The following ARFGEF2 variants were observed in gnomAD, a reference collection of about 807,000 sequenced individuals.
The protein encoded by ARFGEF2 is brefeldin A-inhibited guanine nucleotide-exchange protein 2.
A neutral mutation model predicts 219.9 loss-of-function variants in ARFGEF2; 74 were observed. The observed-to-expected ratio is 0.34, with a 90% CI of 0.28 to 0.41. ARFGEF2 has a LOEUF of 0.41. ARFGEF2 is among the 10% of genes least tolerant of loss of function. The pLI is 1.00. For missense variants in ARFGEF2, 1,743 were observed against 2,218.3 expected (o/e 0.79, Z 4.30); for synonymous variants, 733 against 799.2 (o/e 0.92, Z 1.40).
intron 28 of ARFGEF2, 40 bp downstream of exon 28, chr20:49,012,124 G>C: frequency 6.2e-7 from 1 of 1,613,688 alleles, no homozygotes; most frequent in Non-Finnish European, 8.5e-7. Context: ...GCAGTGAAGG[G>C]AAAAGGTCAT....
At chr20:49,010,497 C>G in intron 27 of ARFGEF2, 93 bp downstream of exon 27, 1 of 1,443,618 alleles carries the variant, frequency 6.9e-7, no homozygotes, top group South Asian at 1.2e-5. Flanking sequence ...AGGGGCTTCC[C>G]TACCTTGGCT....
intron 21 of ARFGEF2, among the ~76,000 whole-genome samples, chr20:48,991,865 C>G (rs2091359473): frequency 6.6e-6 from 1 of 152,130 alleles, no homozygotes; most frequent in Non-Finnish European, 1.5e-5. Flanking sequence ...ATAGTATGTG[C>G]TCTCTGATGG....
At chr20:48,974,187 G>A (rs375034404) in intron 12 of ARFGEF2, among the ~76,000 whole-genome samples, 12 of 141,400 alleles carry the variant, frequency 8.5e-5, no homozygotes, top group Non-Finnish European at 1.2e-4. Context: ...GTGCAGTGGC[G>A]CGATCTCAGC....
chr20:49,032,972 C>T, intron 38 of ARFGEF2, 51 bp from the exon 39 acceptor site: 1 of 1,460,944 alleles, frequency 6.8e-7, no homozygotes, highest in South Asian at 1.2e-5. Context: ...AAACTGGTGC[C>T]CAAAAAAAAA....
chr20:48,974,411 C>G (rs1333562970), intron 12 of ARFGEF2, among the ~76,000 whole-genome samples: 3 of 152,022 alleles, frequency 2.0e-5, no homozygotes, highest in Non-Finnish European at 4.4e-5. Context: ...AGCGCCTGCC[C>G]AAGATCTTGT....
Position 49,010,179 on chromosome 20 carries a change from C to A in ARFGEF2, c.3585-53C>A. 1.9e-6 allele frequency: 3 copies of A among 1,585,582 alleles called. No homozygotes were observed. In the South Asian group the frequency reaches 3.4e-5, roughly 18 times the overall value. Reference sequence around the variant, plus strand: ...TCTAAGGGATGAGCTATGTTCATTTCTCTTCCCATTCTCCAAAGTACAGAC... The same window carrying A: ...TCTAAGGGATGAGCTATGTTCATTTATCTTCCCATTCTCCAAAGTACAGAC... On this transcript the variant is annotated intron_variant, in intron 26 of 38. Transcript: ENST00000371917.
Position 49,017,674 on chromosome 20 carries a change from G to A in ARFGEF2, c.4509+124G>A, listed in dbSNP as rs372277244. 95 of 902,006 alleles carry A rather than the reference G, an allele frequency of 1.1e-4. 1 individual carries two copies. The highest frequency in any genetic ancestry group is 7.0e-4 in the South Asian group (42 of 60,296). The allele number at this position is 902,006 out of a possible 1,614,324, so 55.9% of individuals were successfully genotyped here. A position where few individuals can be genotyped will look rare whatever the true frequency, so the allele number is the denominator to read the frequency against. On this transcript the variant is annotated intron_variant, in intron 33 of 38. Transcript: ENST00000371917. ...AGTAAAATTATAAGATCTAAAAATA[G>A]TATATATTCATAATATATTTTTTAG...
rs1365027593 is a variant in ARFGEF2, at chr20:49,010,382, C to T, written c.3735C>T (p.Phe1245=). ...ATGGGAACATTGTGGAGCTGGCCTT[C>T]CAGACCACTTGCCACATTGTCAGTA... ...DHDGNIVELA[F]QTTCHIVTTI... Residue 1245 remains phenylalanine (F), a synonymous_variant, in exon 27 of 39, where the codon TTC becomes TTT. Transcript: ENST00000371917. 6.2e-7 allele frequency: 1 copy of T among 1,614,054 alleles called. No homozygotes were observed. The highest frequency in any genetic ancestry group is 2.2e-5 in the East Asian group (1 of 44,886).
chr20:48,961,083 T>TATAATA (rs371551603), intron 6 of ARFGEF2, among the ~76,000 whole-genome samples: 2,657 of 143,994 alleles, frequency 0.018, 47 homozygotes, highest in African/African-American at 0.035. Flanking sequence ...TGTCTCAAAA[T>TATAATA]ATAATAATAA....
intron 25 of ARFGEF2, among the ~76,000 whole-genome samples, chr20:49,000,631 G>A (rs1026745175): frequency 6.6e-6 from 1 of 152,198 alleles, no homozygotes; most frequent in African/African-American, 2.4e-5. Context: ...GAATCATTGC[G>A]ACTACTGTAC....
chr20:48,979,328 C>G (rs2091281396), intron 14 of ARFGEF2, among the ~76,000 whole-genome samples: 1 of 152,164 alleles, frequency 6.6e-6, no homozygotes, highest in Non-Finnish European at 1.5e-5. Flanking sequence ...ATGAAGCTGA[C>G]TTGATCGTGG....
At chr20:48,993,568 G>T (rs781214590) in intron 21 of ARFGEF2, among the ~76,000 whole-genome samples, 1 of 152,226 alleles carries the variant, frequency 6.6e-6, no homozygotes, top group Non-Finnish European at 1.5e-5. Flanking sequence ...CAACACTGAA[G>T]TTCAGTCAGA....
chr20:48,938,097 C>A (rs1016427082), intron 1 of ARFGEF2, among the ~76,000 whole-genome samples: 3 of 152,144 alleles, frequency 2.0e-5, no homozygotes, highest in African/African-American at 7.2e-5. Context: ...GGGTTTAAGT[C>A]CCATCTCCAG....
At position 49,033,037 on chromosome 20, in the gene ARFGEF2, T is replaced by A; in HGVS notation, c.5196T>A (p.Ala1732=). Residue 1732 remains alanine (A), a synonymous_variant, in exon 39 of 39, where the codon GCT becomes GCA. Coordinates refer to ENST00000371917, the MANE Select transcript of ARFGEF2 (RefSeq NM_006420.3). ...KINDEKFKAH[A]SMYYPYLCEI... ...CCCACCTCAAGTTCAAAGCACATGC[T>A]TCAATGTACTACCCCTACTTGTGTG... 6.2e-7 allele frequency: 1 copy of A among 1,614,194 alleles called. No individual in the cohort carries two copies. The highest frequency in any genetic ancestry group is 8.5e-7 in the Non-Finnish European group (1 of 1,180,028).
In ARFGEF2 at chr20:48,989,328, G is replaced by A; in HGVS notation, c.2577G>A (p.Glu859=). Residue 859 remains glutamate, a synonymous_variant, in exon 19 of 39, where the codon GAG becomes GAA. Coordinates refer to ENST00000371917, the MANE Select transcript of ARFGEF2 (RefSeq NM_006420.3). ...AGCGGCGGCTGCTGTACAACTTAGA[G>A]ATGGAGCAAATGGCTAAAACAGCCA... ...EKQRRLLYNL[E]MEQMAKTAKA... is the part of the protein sequence containing the mutation. 1 of 1,614,230 alleles carries A rather than the reference G, an allele frequency of 6.2e-7. No individual in the cohort carries two copies.
In ARFGEF2 at chr20:48,963,853, G is replaced by A. The variant is rs774856463; in HGVS notation, c.862G>A (p.Val288Met). Residue 288 changes from valine (V) to methionine (M), a missense_variant, in exon 7 of 39, where the codon GTG (valine) becomes ATG (methionine). Coordinates refer to ENST00000371917, the MANE Select transcript of ARFGEF2 (RefSeq NM_006420.3). Reference sequence around the variant, plus strand: ...AGGGACTGATGACGGAGCCCAGGAGGTGGTGAAGGACATCTTGGAAGATGT... The same window carrying A: ...AGGGACTGATGACGGAGCCCAGGAGATGGTGAAGGACATCTTGGAAGATGT... ...LSGTDDGAQE[V>M]VKDILEDVVT... The A allele has an allele frequency of 1.2e-5, 19 of 1,614,038 alleles. No homozygotes were observed. Among genetic ancestry groups the A allele is most frequent in the Non-Finnish European group, 1.6e-5 (19 of 1,179,988 alleles).
chr20:49,014,032 G>A (rs577512048), intron 30 of ARFGEF2, 72 bp downstream of exon 30: 87 of 1,596,366 alleles, frequency 5.4e-5, no homozygotes, highest in Non-Finnish European at 7.3e-5. Flanking sequence ...TTTGCCTCTG[G>A]GGGCTGCATC....
chr20:48,948,370 C>G (rs1045297109), intron 3 of ARFGEF2, among the ~76,000 whole-genome samples: 14 of 152,184 alleles, frequency 9.2e-5, no homozygotes, highest in African/African-American at 3.1e-4. Flanking sequence ...ACCATTCCAT[C>G]TCTCGCTCCC....
At chr20:48,945,935 T>C (rs1371570472) in intron 3 of ARFGEF2, among the ~76,000 whole-genome samples, 2 of 152,158 alleles carry the variant, frequency 1.3e-5, no homozygotes, top group Middle Eastern at 3.2e-3. Flanking sequence ...TGAGATGTAA[T>C]AGGTACACTA....
Sources: allele counts gnomAD v4.1 joint callset (sites outside exome capture counted in the v4.1 genomes callset), GRCh38; gene constraint gnomAD v4.1.1; transcripts MANE v1.5; gene names NCBI Gene and HGNC (gene_info 2026-07-23, HGNC 2026-07-21).